Variants in TENM3 observed in about 807,000 individuals in gnomAD.
TENM3 encodes teneurin-3.
TENM3 carries 63 observed loss-of-function variants against 255.1 expected under a neutral mutation model. The ratio of observed to expected loss-of-function variants is 0.25; its 90% confidence interval spans 0.20 to 0.30. The LOEUF (loss-of-function observed/expected upper bound fraction) is 0.30. Among genes scored for constraint, TENM3 ranks in the 10% least tolerant of loss-of-function variants. TENM3 has a pLI of 1.00. For synonymous variants in TENM3, 1,306 were observed against 1,322.3 expected (o/e 0.99, Z 0.27); for missense variants, 2,929 against 3,461.1 (o/e 0.85, Z 3.86).
chr4:182,661,146 A>G (rs543135090), intron 6 of TENM3, among the ~76,000 whole-genome samples: 19 of 150,340 alleles, frequency 1.3e-4, no homozygotes, highest in African/African-American at 4.2e-4. Flanking sequence ...TATGCATATG[A>G]TTTATGCTGC....
the TENM3 span, among the ~76,000 whole-genome samples, chr4:181,746,337 A>G: frequency 7.2e-5 from 11 of 152,134 alleles, no homozygotes; most frequent in African/African-American, 1.4e-4. Context: ...TGAAAGGACC[A>G]GTATGGATAT....
At chr4:181,706,684 T>G in the TENM3 span, among the ~76,000 whole-genome samples, 1 of 152,216 alleles carries the variant, frequency 6.6e-6, no homozygotes, top group Non-Finnish European at 1.5e-5. Flanking sequence ...TGGTTCCGCA[T>G]TGGTTGACCT....
chr4:181,871,463 A>G, the TENM3 span, among the ~76,000 whole-genome samples: 3 of 151,922 alleles, frequency 2.0e-5, no homozygotes, highest in Non-Finnish European at 4.4e-5. Context: ...TTTTTTATAG[A>G]TTCCTTTGAA....
At chr4:182,073,758 C>T in the TENM3 span, among the ~76,000 whole-genome samples, 1 of 152,156 alleles carries the variant, frequency 6.6e-6, no homozygotes, top group Non-Finnish European at 1.5e-5. Context: ...CTTGCCCCAT[C>T]TCAGTCCTTA....
At chr4:182,300,952 T>C (rs985696181) in intron 1 of TENM3, among the ~76,000 whole-genome samples, 8 of 152,236 alleles carry the variant, frequency 5.3e-5, no homozygotes, top group Admixed American at 1.3e-4. Context: ...GCCTATGATT[T>C]ATTTTTAAAA....
At chr4:182,494,152 T>G (rs1439049243) in intron 3 of TENM3, among the ~76,000 whole-genome samples, 1 of 152,132 alleles carries the variant, frequency 6.6e-6, no homozygotes, top group African/African-American at 2.4e-5. Flanking sequence ...TCCTTTTTCT[T>G]GAGTGTGTTA....
intron 6 of TENM3, among the ~76,000 whole-genome samples, chr4:182,662,215 GTC>G (rs995896216): frequency 5.9e-5 from 9 of 152,062 alleles, no homozygotes; most frequent in Non-Finnish European, 1.0e-4. Context: ...TGCGTATGTG[GTC>G]TCTCTCTGTT....
chr4:181,931,349 C>T, the TENM3 span, among the ~76,000 whole-genome samples: 1 of 152,202 alleles, frequency 6.6e-6, no homozygotes, highest in Non-Finnish European at 1.5e-5. Flanking sequence ...GCAAAAATCA[C>T]AAGCATTCCT....
chr4:182,171,385 G>T (rs550662909), intron 1 of TENM3, among the ~76,000 whole-genome samples: 48 of 152,080 alleles, frequency 3.2e-4, no homozygotes, highest in Non-Finnish European at 6.0e-4. Flanking sequence ...ACCTCTTTCT[G>T]TTTTTTTCTT....
chr4:182,100,830 TATATATATACTC>T, the TENM3 span, among the ~76,000 whole-genome samples: 119 of 7,968 alleles, frequency 0.015, 41 homozygotes, highest in East Asian at 0.029. Flanking sequence ...CACATATATA[TATATATATACTC>T]ATATATATAT....
At chr4:182,480,178 G>C (rs1025822821) in intron 3 of TENM3, among the ~76,000 whole-genome samples, 1 of 151,952 alleles carries the variant, frequency 6.6e-6, no homozygotes, top group African/African-American at 2.4e-5. Context: ...TCTCTGAGCT[G>C]TGTGGAAGAT....
At chr4:181,867,193 ACT>A in the TENM3 span, among the ~76,000 whole-genome samples, 1 of 152,050 alleles carries the variant, frequency 6.6e-6, no homozygotes, top group Non-Finnish European at 1.5e-5. Context: ...CTTAATCGCT[ACT>A]CTCACAGTTT....
chr4:181,918,181 A>T, the TENM3 span, among the ~76,000 whole-genome samples: 94 of 152,286 alleles, frequency 6.2e-4, no homozygotes, highest in Non-Finnish European at 8.5e-4. Flanking sequence ...TTAATTTTTC[A>T]TTCATGAATT....
chr4:181,588,240 G>A, the TENM3 span, among the ~76,000 whole-genome samples: 34 of 152,186 alleles, frequency 2.2e-4, no homozygotes, highest in East Asian at 4.1e-3. Context: ...ATCCTTCTCC[G>A]CACATCAAAC....
the TENM3 span, among the ~76,000 whole-genome samples, chr4:181,510,545 A>C: frequency 0.027 from 4,039 of 151,220 alleles, 91 homozygotes; most frequent in Non-Finnish European, 0.041. Context: ...TCAATAAAAA[A>C]CATGAATAAC....
chr4:182,459,722 CTGAGA>C (rs1475062109), intron 3 of TENM3, among the ~76,000 whole-genome samples: 1 of 151,954 alleles, frequency 6.6e-6, no homozygotes, highest in Non-Finnish European at 1.5e-5. Context: ...TGCTTTCATG[CTGAGA>C]TATCAGTATA....
At chr4:182,040,574 C>T in the TENM3 span, among the ~76,000 whole-genome samples, 1 of 152,116 alleles carries the variant, frequency 6.6e-6, no homozygotes, top group Non-Finnish European at 1.5e-5. Context: ...CTTTTGTGCT[C>T]ACCTACTTAT....
the TENM3 span, among the ~76,000 whole-genome samples, chr4:182,043,542 C>G: frequency 3.3e-4 from 51 of 152,270 alleles, no homozygotes; most frequent in Admixed American, 2.9e-3. Context: ...CCTGACTTCT[C>G]TTTTCATTCA....
At chr4:182,479,029 A>G (rs143130243) in intron 3 of TENM3, among the ~76,000 whole-genome samples, 173 of 152,086 alleles carry the variant, frequency 1.1e-3, no homozygotes, top group African/African-American at 3.4e-3. Context: ...GTCTTTTAAA[A>G]TGTTTTTCAA....
Sources: gnomAD v4.1 joint callset for allele counts (sites outside exome capture counted in the v4.1 genomes callset) on GRCh38, gnomAD v4.1.1 for gene constraint, MANE v1.5 for transcripts, NCBI Gene and HGNC (gene_info 2026-07-23, HGNC 2026-07-21) for gene names.